Variants in SMIM36 observed in about 807,000 individuals in gnomAD.
The protein encoded by SMIM36 is small integral membrane protein 36.
rs147330265 is a variant in SMIM36, at chr17:55,487,321, T to G, written c.*175-7741A>C. Among the ~76,000 whole-genome samples the G allele has an allele frequency of 5.4e-3, 818 of 152,286 alleles. 6 individuals are homozygous for G. The highest frequency in any genetic ancestry group is 0.019 in the African/African-American group (782 of 41,558). On this transcript the variant is annotated intron_variant, in intron 1 of 4. Transcript: ENST00000636752. ...ACCTATGTAATAAACCTGCACGTTG[T>G]GCACATGTACCCTATAACTTAGAGT...
intron 1 of SMIM36, among the ~76,000 whole-genome samples, chr17:55,493,114 C>T (rs1309790538): frequency 2.0e-5 from 3 of 152,218 alleles, no homozygotes; most frequent in African/African-American, 7.2e-5. Context: ...CCCTGATCAA[C>T]AACAATGCTG....
At chr17:55,475,773 T>C (rs1393055249) in intron 3 of SMIM36, among the ~76,000 whole-genome samples, 1 of 152,162 alleles carries the variant, frequency 6.6e-6, no homozygotes, top group Non-Finnish European at 1.5e-5. Context: ...CTCCCTCTCT[T>C]ATTTGGACCT....
chr17:55,489,825 G>A (rs1909670264), intron 1 of SMIM36, among the ~76,000 whole-genome samples: 1 of 151,122 alleles, frequency 6.6e-6, no homozygotes, highest in African/African-American at 2.4e-5. Flanking sequence ...AGTGAACACT[G>A]AATGGAAAAA....
chr17:55,501,087 AC>A (rs1156847262), intron 1 of SMIM36, among the ~76,000 whole-genome samples: 15 of 1,156 alleles, frequency 0.013, no homozygotes, highest in Non-Finnish European at 0.019. Flanking sequence ...TATATAATAT[AC>A]TATTATATTT....
chr17:55,529,639 CAG>C, the SMIM36 span, among the ~76,000 whole-genome samples: 5 of 150,932 alleles, frequency 3.3e-5, no homozygotes, highest in Non-Finnish European at 5.9e-5. Flanking sequence ...CACACACACA[CAG>C]AGTATCCAGA....
the SMIM36 span, among the ~76,000 whole-genome samples, chr17:55,525,068 A>G: frequency 6.6e-6 from 1 of 152,178 alleles, no homozygotes; most frequent in African/African-American, 2.4e-5. Flanking sequence ...CCAAGGCTTG[A>G]ATCTAGGCAG....
chr17:55,501,019 G>A (rs185588652), intron 1 of SMIM36, among the ~76,000 whole-genome samples: 1,647 of 4,862 alleles, frequency 0.34, 453 homozygotes, highest in East Asian at 0.75. Flanking sequence ...ATTATATTTT[G>A]TAATATATAA....
chr17:55,474,914 G>A (rs1048981338), intron 3 of SMIM36, among the ~76,000 whole-genome samples: 2 of 152,172 alleles, frequency 1.3e-5, no homozygotes, highest in African/African-American at 2.4e-5. Context: ...AGACTGGCCA[G>A]CATTAGAGAT....
intron 3 of SMIM36, among the ~76,000 whole-genome samples, chr17:55,470,478 A>G (rs1019494290): frequency 2.0e-5 from 3 of 151,984 alleles, no homozygotes; most frequent in South Asian, 2.1e-4. Context: ...CTCCACAACT[A>G]TTGTGGATAT....
chr17:55,492,019 C>T (rs566363561), intron 1 of SMIM36, among the ~76,000 whole-genome samples: 8 of 151,558 alleles, frequency 5.3e-5, no homozygotes, highest in Admixed American at 1.3e-4. Context: ...ATTAGCTGGG[C>T]GTGGTGGCAG....
chr17:55,495,261 A>T (rs1909788489), intron 1 of SMIM36, among the ~76,000 whole-genome samples: 1 of 152,168 alleles, frequency 6.6e-6, no homozygotes, highest in Admixed American at 6.5e-5. Context: ...ATGACCTTCA[A>T]CTCACCCTCT....
chr17:55,487,180 C>T (rs1165786482), intron 1 of SMIM36, among the ~76,000 whole-genome samples: 24 of 148,454 alleles, frequency 1.6e-4, no homozygotes, highest in Middle Eastern at 3.5e-3. Flanking sequence ...GGGCGGGGAA[C>T]ATCACACCCT....
chr17:55,456,231 C>T (rs1909021093), intron 4 of SMIM36, among the ~76,000 whole-genome samples: 2 of 149,604 alleles, frequency 1.3e-5, no homozygotes, highest in South Asian at 4.3e-4. Flanking sequence ...TTTGCTTCTT[C>T]TCCTGTAATT....
intron 4 of SMIM36, among the ~76,000 whole-genome samples, chr17:55,459,233 A>T (rs972627612): frequency 2.6e-5 from 4 of 152,142 alleles, no homozygotes; most frequent in Non-Finnish European, 4.4e-5. Context: ...GTTGACTCAC[A>T]CCATTGATTA....
At chr17:55,480,464 C>T (rs1436934461) in intron 1 of SMIM36, among the ~76,000 whole-genome samples, 2 of 152,128 alleles carry the variant, frequency 1.3e-5, no homozygotes, top group Non-Finnish European at 2.9e-5. Context: ...TAAAGAGACT[C>T]TAGATAATGA....
chr17:55,524,550 G>A, the SMIM36 span, among the ~76,000 whole-genome samples: 13 of 152,170 alleles, frequency 8.5e-5, no homozygotes, highest in East Asian at 9.6e-4. Context: ...GTGTATAGGC[G>A]TTTTCTTTTC....
At chr17:55,472,760 C>T (rs1286920760) in intron 3 of SMIM36, among the ~76,000 whole-genome samples, 2 of 151,046 alleles carry the variant, frequency 1.3e-5, no homozygotes, top group South Asian at 2.1e-4. Flanking sequence ...CCCAGCTACT[C>T]GGGAGGCTGA....
chr17:55,478,598 A>G (rs1351311640), intron 3 of SMIM36, among the ~76,000 whole-genome samples, 164 bp downstream of exon 3: 2 of 152,194 alleles, frequency 1.3e-5, no homozygotes, highest in African/African-American at 4.8e-5. Flanking sequence ...ATAGTAGTCA[A>G]ACTCAAGAGG....
chr17:55,456,145 A>G (rs972607455), intron 4 of SMIM36, among the ~76,000 whole-genome samples: 2 of 141,324 alleles, frequency 1.4e-5, no homozygotes, highest in Non-Finnish European at 3.1e-5. Flanking sequence ...AAAAAAAAAA[A>G]GGATCATTTG....
Sources: allele counts gnomAD v4.1 joint callset (sites outside exome capture counted in the v4.1 genomes callset), GRCh38; gene constraint gnomAD v4.1.1; transcripts MANE v1.5; gene names NCBI Gene and HGNC (gene_info 2026-07-23, HGNC 2026-07-21).